ZFHX3: variants seen among roughly 807,000 people sequenced by gnomAD.
ZFHX3 encodes zinc finger homeobox 3.
A neutral mutation model predicts 279.1 loss-of-function variants in ZFHX3; 42 were observed. The ratio of observed to expected loss-of-function variants is 0.15; its 90% CI spans 0.12 to 0.19. The LOEUF is 0.19. ZFHX3 is among the 10% of genes least tolerant of loss of function. The pLI is 1.00. For synonymous variants in ZFHX3, 2,293 were observed against 1,957.8 expected (o/e 1.17, Z -4.52); for missense variants, 4,981 against 4,754.0 (o/e 1.05, Z -1.40).
chr16:73,159,832 G>A (rs952620253), intron 5 of ZFHX3, among the ~76,000 whole-genome samples: 6 of 151,934 alleles, frequency 3.9e-5, no homozygotes, highest in African/African-American at 1.2e-4. Context: ...GCATGATCTC[G>A]GCTCATTGCA....
chr16:73,721,969 C>T (rs959037228), intron 1 of ZFHX3, among the ~76,000 whole-genome samples: 5 of 152,172 alleles, frequency 3.3e-5, no homozygotes, highest in African/African-American at 4.8e-5. Flanking sequence ...TGCTTCAGCT[C>T]GGAAGGTAGA....
At chr16:73,645,639 T>C (rs1363356153) in intron 2 of ZFHX3, among the ~76,000 whole-genome samples, 1 of 152,200 alleles carries the variant, frequency 6.6e-6, no homozygotes, top group Non-Finnish European at 1.5e-5. Flanking sequence ...TTCCCCTTCT[T>C]TATAAAAATA....
chr16:73,646,770 A>T (rs1377947936), intron 2 of ZFHX3, among the ~76,000 whole-genome samples: 1 of 152,192 alleles, frequency 6.6e-6, no homozygotes, highest in Non-Finnish European at 1.5e-5. Flanking sequence ...CTCAAAAATA[A>T]ACAAAAAATT....
At chr16:73,755,952 T>C (rs1597096758) in intron 1 of ZFHX3, among the ~76,000 whole-genome samples, 1 of 152,096 alleles carries the variant, frequency 6.6e-6, no homozygotes. Context: ...TCCTGTTGGG[T>C]CCTGATAGCA....
intron 4 of ZFHX3, among the ~76,000 whole-genome samples, chr16:73,315,181 C>T (rs936499866): frequency 1.3e-5 from 2 of 149,538 alleles, no homozygotes; most frequent in African/African-American, 4.9e-5. Context: ...CACTGCACTC[C>T]AGCCTGGGTG....
chr16:73,543,850 A>G (rs28453016), intron 2 of ZFHX3: 47,895 of 149,412 alleles, frequency 0.32, 10,554 homozygotes, highest in African/African-American at 0.63. Context: ...TGGGGGAGGG[A>G]GGACAGAGAG....
At chr16:73,597,323 T>C (rs2052061320) in intron 2 of ZFHX3, among the ~76,000 whole-genome samples, 1 of 152,210 alleles carries the variant, frequency 6.6e-6, no homozygotes, top group Admixed American at 6.5e-5. Context: ...ATGGGCCTCA[T>C]CACTCTGTAG....
At chr16:73,455,119 A>C (rs575204145) in intron 3 of ZFHX3, among the ~76,000 whole-genome samples, 1 of 152,314 alleles carries the variant, frequency 6.6e-6, no homozygotes, top group East Asian at 1.9e-4. Context: ...GGAGTAGCTC[A>C]TAAAATTAGA....
chr16:73,808,980 G>A (rs941169289), intron 1 of ZFHX3, among the ~76,000 whole-genome samples: 1 of 152,168 alleles, frequency 6.6e-6, no homozygotes, highest in African/African-American at 2.4e-5. Context: ...ACCCAGTGCC[G>A]GATAGATTTT....
At chr16:73,145,200 G>C (rs1015214896) in intron 5 of ZFHX3, among the ~76,000 whole-genome samples, 4 of 152,126 alleles carry the variant, frequency 2.6e-5, no homozygotes, top group Non-Finnish European at 5.9e-5. Context: ...CTCCTGTTGG[G>C]GGAGCAGGGG....
At chr16:72,944,634 T>C (rs7200069) in intron 3 of ZFHX3, among the ~76,000 whole-genome samples, 21,153 of 152,178 alleles carry the variant, frequency 0.14, 2,192 homozygotes, top group East Asian at 0.56. Context: ...TTTACTTTCT[T>C]TTTTATTCCT....
chr16:73,795,089 A>C lies in ZFHX3; in HGVS notation c.-1608+96562T>G, dbSNP rs552938652. On this transcript the variant is annotated intron_variant, in intron 1 of 17. Transcript: ENST00000641206. ...TTGGCTCAAGCAAACACATACTTCA[A>C]ACTGACTCCTCTCAGTGTCATGAGC... Among the ~76,000 whole-genome samples the C allele has an allele frequency of 1.1e-4, 17 of 152,300 alleles. No individual in the cohort carries two copies. The South Asian group carries it at 1.7e-3, about 15-fold the overall frequency.
intron 3 of ZFHX3, among the ~76,000 whole-genome samples, chr16:73,320,293 C>G (rs1283965130): frequency 6.6e-6 from 1 of 152,208 alleles, no homozygotes; most frequent in Non-Finnish European, 1.5e-5. Context: ...ACCTGCTGTA[C>G]CTTGGCTGTA....
intron 1 of ZFHX3, among the ~76,000 whole-genome samples, chr16:72,960,698 A>G (rs1961536947): frequency 6.6e-6 from 1 of 152,146 alleles, no homozygotes; most frequent in South Asian, 2.1e-4. Flanking sequence ...TGGAAAAAGG[A>G]CGGTAAAGTG....
intron 2 of ZFHX3, among the ~76,000 whole-genome samples, chr16:73,632,989 G>C (rs2052491599): frequency 6.6e-6 from 1 of 152,178 alleles, no homozygotes; most frequent in Non-Finnish European, 1.5e-5. Context: ...TGAGGCAGGA[G>C]AATGGTGTGA....
intron 3 of ZFHX3, among the ~76,000 whole-genome samples, chr16:73,367,674 T>C (rs530006120): frequency 2.0e-5 from 3 of 152,312 alleles, no homozygotes; most frequent in Non-Finnish European, 4.4e-5. Context: ...CACCTTGGGC[T>C]TGAATACCTC....
chr16:73,822,839 A>T (rs1960786829), intron 1 of ZFHX3, among the ~76,000 whole-genome samples: 1 of 152,224 alleles, frequency 6.6e-6, no homozygotes, highest in Non-Finnish European at 1.5e-5. Context: ...GTATTCCTTA[A>T]ATAACTTATT....
intron 1 of ZFHX3, among the ~76,000 whole-genome samples, chr16:73,002,362 C>T (rs773310640): frequency 6.6e-6 from 1 of 152,122 alleles, no homozygotes; most frequent in African/African-American, 2.4e-5. Flanking sequence ...CCTATACCTG[C>T]CCCCTAAGTC....
intron 3 of ZFHX3, among the ~76,000 whole-genome samples, chr16:73,321,027 GA>G (rs1185149887): frequency 1.3e-5 from 2 of 152,168 alleles, no homozygotes; most frequent in Non-Finnish European, 2.9e-5. Context: ...AGAGGGATCT[GA>G]CCCCCAGGAG....
Sources: gnomAD v4.1 joint callset for allele counts (sites outside exome capture counted in the v4.1 genomes callset) on GRCh38, gnomAD v4.1.1 for gene constraint, MANE v1.5 for transcripts, NCBI Gene and HGNC (gene_info 2026-07-23, HGNC 2026-07-21) for gene names.